The following NXPE2 variants were observed in gnomAD, a reference collection of about 807,000 sequenced individuals.
NXPE2 encodes NXPE family member 2.
In NXPE2, 34 loss-of-function variants were observed where a neutral mutation model predicts 34.4. The observed-to-expected ratio is 0.99, with a 90% confidence interval of 0.75 to 1.31. The LOEUF is 1.31. Ranked by LOEUF, NXPE2 falls within the 40% of genes most tolerant of loss-of-function variation. NXPE2 has a pLI of 0.00. For missense variants in NXPE2, 649 were observed against 672.5 expected, an observed-to-expected ratio of 0.97 and a Z score of 0.39; for synonymous variants, 235 against 231.3, an observed-to-expected ratio of 1.02 and a Z score of -0.15.
the NXPE2 span, among the ~76,000 whole-genome samples, chr11:114,795,492 T>C: frequency 6.6e-6 from 1 of 152,334 alleles, no homozygotes; most frequent in South Asian, 2.1e-4. Flanking sequence ...GAATGCATGA[T>C]ACCCAGTTTC....
the NXPE2 span, among the ~76,000 whole-genome samples, chr11:114,792,807 T>C: frequency 1.3e-5 from 2 of 152,246 alleles, no homozygotes; most frequent in Admixed American, 6.5e-5. Flanking sequence ...ACACTTTACG[T>C]ATGTTATCTC....
chr11:114,469,720 TG>T, the NXPE2 span, among the ~76,000 whole-genome samples: 1 of 152,022 alleles, frequency 6.6e-6, no homozygotes, highest in Non-Finnish European at 1.5e-5. Flanking sequence ...CTCGAACTCC[TG>T]ACCTCGTGAT....
At chr11:114,558,433 A>G in the NXPE2 span, among the ~76,000 whole-genome samples, 1 of 152,086 alleles carries the variant, frequency 6.6e-6, no homozygotes, top group Non-Finnish European at 1.5e-5. Flanking sequence ...TGTGTAATTA[A>G]ATATATGATG....
At chr11:114,528,473 AT>A in the NXPE2 span, among the ~76,000 whole-genome samples, 1 of 152,146 alleles carries the variant, frequency 6.6e-6, no homozygotes, top group East Asian at 1.9e-4. Flanking sequence ...TCCTGCTATG[AT>A]TACCTTTGAC....
chr11:114,475,226 GTTTTTTT>G, the NXPE2 span, among the ~76,000 whole-genome samples: 1,222 of 88,076 alleles, frequency 0.014, 84 homozygotes, highest in Admixed American at 0.1. Flanking sequence ...AATGTGAACT[GTTTTTTT>G]TTTTTTTTTT....
the NXPE2 span, among the ~76,000 whole-genome samples, chr11:114,627,746 C>A: frequency 1.3e-5 from 2 of 152,086 alleles, no homozygotes; most frequent in Admixed American, 6.6e-5. Flanking sequence ...AGAGTCAAGA[C>A]CCATCAGTGT....
chr11:114,464,847 C>CAA, the NXPE2 span, among the ~76,000 whole-genome samples: 2 of 147,048 alleles, frequency 1.4e-5, no homozygotes, highest in African/African-American at 5.0e-5. Context: ...ATATTTCCTA[C>CAA]AAAAAAAAAC....
the NXPE2 span, among the ~76,000 whole-genome samples, chr11:114,786,819 C>CG: frequency 5.7e-5 from 4 of 70,658 alleles, no homozygotes; most frequent in Non-Finnish European, 1.7e-4. Context: ...TTGGGAAGAG[C>CG]CCCCCCATGC....
At chr11:114,534,842 G>A in the NXPE2 span, among the ~76,000 whole-genome samples, 1 of 152,194 alleles carries the variant, frequency 6.6e-6, no homozygotes, top group Non-Finnish European at 1.5e-5. Flanking sequence ...ATGGAACCAA[G>A]TTGGAAAACA....
chr11:114,703,189 G>T (rs1167327819), intron 3 of NXPE2, among the ~76,000 whole-genome samples: 1 of 152,220 alleles, frequency 6.6e-6, no homozygotes, highest in Non-Finnish European at 1.5e-5. Context: ...AGCTGGCAAT[G>T]TAGACACTCA....
downstream of NXPE2, among the ~76,000 whole-genome samples, chr11:114,709,164 C>T (rs1188103851): frequency 2.0e-5 from 3 of 152,188 alleles, no homozygotes; most frequent in Non-Finnish European, 4.4e-5. Context: ...TCCTCAGTTG[C>T]ACTATTCACA....
chr11:114,713,372 A>T, the NXPE2 span, among the ~76,000 whole-genome samples: 1 of 152,184 alleles, frequency 6.6e-6, no homozygotes, highest in African/African-American at 2.4e-5. Flanking sequence ...AATAAACTTA[A>T]ATGTGGAAAT....
chr11:114,613,443 T>C, the NXPE2 span, among the ~76,000 whole-genome samples: 4 of 150,598 alleles, frequency 2.7e-5, no homozygotes, highest in African/African-American at 9.8e-5. Context: ...TTGCCTCTTG[T>C]GTAACCACTG....
At chr11:114,718,370 C>A in the NXPE2 span, among the ~76,000 whole-genome samples, 1 of 152,134 alleles carries the variant, frequency 6.6e-6, no homozygotes, top group Non-Finnish European at 1.5e-5. Context: ...ATTATCATTA[C>A]CATCAAAGTC....
the NXPE2 span, among the ~76,000 whole-genome samples, chr11:114,507,473 C>T: frequency 1.3e-5 from 2 of 152,064 alleles, no homozygotes; most frequent in Non-Finnish European, 2.9e-5. Flanking sequence ...TCTTGATGAA[C>T]ATCGATGCAA....
chr11:114,537,951 C>T, the NXPE2 span, among the ~76,000 whole-genome samples: 7 of 151,852 alleles, frequency 4.6e-5, no homozygotes, highest in Non-Finnish European at 1.0e-4. Flanking sequence ...CATATGGAAC[C>T]AAAAAGCCCA....
At chr11:114,766,940 T>A in the NXPE2 span, among the ~76,000 whole-genome samples, 1 of 152,150 alleles carries the variant, frequency 6.6e-6, no homozygotes, top group Non-Finnish European at 1.5e-5. Context: ...TAGTTGTGTT[T>A]TTTATTCTCT....
At chr11:114,540,296 T>C in the NXPE2 span, among the ~76,000 whole-genome samples, 1 of 152,222 alleles carries the variant, frequency 6.6e-6, no homozygotes, top group Non-Finnish European at 1.5e-5. Flanking sequence ...AAGTTAAACT[T>C]TGTATATTCA....
At chr11:114,806,445 GA>G in the NXPE2 span, among the ~76,000 whole-genome samples, 146,237 of 151,720 alleles carry the variant, frequency 0.96, 70,717 homozygotes, top group Middle Eastern at 1. Context: ...TAAAAGCTTT[GA>G]AAAAAAAATT....
Sources: gnomAD v4.1 joint callset for allele counts (sites outside exome capture counted in the v4.1 genomes callset) on GRCh38, gnomAD v4.1.1 for gene constraint, MANE v1.5 for transcripts, NCBI Gene and HGNC (gene_info 2026-07-23, HGNC 2026-07-21) for gene names.